Variants in SEMA5A observed in about 807,000 individuals in gnomAD.
The protein encoded by SEMA5A is semaphorin-5A.
Under a neutral mutation model 135.5 loss-of-function variants are expected in SEMA5A, and 55 were observed. The observed-to-expected ratio is 0.41, with a 90% CI of 0.33 to 0.51. The LOEUF (loss-of-function observed/expected upper bound fraction) is 0.51. SEMA5A is among the 20% of genes least tolerant of loss of function. The pLI is 0.37. For synonymous variants in SEMA5A, 580 were observed against 546.5 expected, an observed-to-expected ratio of 1.06 and a Z score of -0.85; for missense variants, 1,290 against 1,419.9, an observed-to-expected ratio of 0.91 and a Z score of 1.47.
chr5:9,482,021 A>G (rs192176306), intron 1 of SEMA5A, among the ~76,000 whole-genome samples: 1 of 152,334 alleles, frequency 6.6e-6, no homozygotes, highest in African/African-American at 2.4e-5. Context: ...AACAAAACAT[A>G]AAGAGTTTCA....
chr5:9,044,618 G>T (rs1395199965), intron 21 of SEMA5A, 34 bp from the exon 22 acceptor site: 1 of 1,561,264 alleles, frequency 6.4e-7, no homozygotes, highest in Middle Eastern at 1.8e-4. Context: ...TGCCACACTT[G>T]AAAAGAACAT....
chr5:9,360,336 C>A (rs1754637622), intron 3 of SEMA5A, among the ~76,000 whole-genome samples: 1 of 152,066 alleles, frequency 6.6e-6, no homozygotes, highest in African/African-American at 2.4e-5. Context: ...TTAAATATAT[C>A]ACAAAAGAGA....
chr5:9,370,516 A>G (rs752042462), intron 3 of SEMA5A, among the ~76,000 whole-genome samples: 16 of 152,190 alleles, frequency 1.1e-4, no homozygotes, highest in Admixed American at 1.3e-4. Flanking sequence ...CTTGCCCCTG[A>G]GTCATATGAA....
intron 2 of SEMA5A, among the ~76,000 whole-genome samples, chr5:9,382,515 T>C (rs1755660809): frequency 6.6e-6 from 1 of 152,212 alleles, no homozygotes; most frequent in Admixed American, 6.5e-5. Context: ...TTTCACTGTC[T>C]GTATTTTTTG....
At chr5:9,332,064 T>A (rs1753162543) in intron 4 of SEMA5A, among the ~76,000 whole-genome samples, 2 of 151,994 alleles carry the variant, frequency 1.3e-5, no homozygotes, top group Admixed American at 6.5e-5. Context: ...GTGCAAGGCG[T>A]GCAGTTATGG....
rs183426665 is a variant in SEMA5A at position 9,399,053 on chromosome 5, T to C, written c.-77-19030A>G. On this transcript the variant is annotated intron_variant, in intron 2 of 22. Transcript: ENST00000382496. ...GATAGTGCTAAGATAGTTACCTCTCTATAAAAAATGAATTTCAATAACCCA... is the reference window on the plus strand; with the variant it reads ...GATAGTGCTAAGATAGTTACCTCTCCATAAAAAATGAATTTCAATAACCCA... Among the ~76,000 whole-genome samples, 286 of 152,372 alleles carry C rather than the reference T, an allele frequency of 1.9e-3. 4 individuals carry two copies. Among genetic ancestry groups the C allele is most frequent in the Middle Eastern group, 0.01 (3 of 294 alleles).
chr5:9,045,707 A>G (rs1736214595), intron 21 of SEMA5A: 1 of 152,220 alleles, frequency 6.6e-6, no homozygotes, highest in African/African-American at 2.4e-5. Flanking sequence ...TGTTAAATGA[A>G]CAAAATATGA....
intron 3 of SEMA5A, among the ~76,000 whole-genome samples, chr5:9,363,935 C>T (rs1473004177): frequency 6.6e-6 from 1 of 152,098 alleles, no homozygotes; most frequent in Non-Finnish European, 1.5e-5. Context: ...AGTAGGCAGG[C>T]GATGAGGCAG....
chr5:9,437,029 C>T (rs1254781600), intron 2 of SEMA5A, among the ~76,000 whole-genome samples: 2 of 152,146 alleles, frequency 1.3e-5, no homozygotes, highest in Non-Finnish European at 2.9e-5. Flanking sequence ...CAGGAGGATC[C>T]CTGAGAGTAT....
At chr5:9,067,039 C>T (rs1737514498) in intron 16 of SEMA5A, among the ~76,000 whole-genome samples, 1 of 152,152 alleles carries the variant, frequency 6.6e-6, no homozygotes, top group East Asian at 1.9e-4. Flanking sequence ...TCACAATATT[C>T]AGTTTGAGAT....
At chr5:9,155,768 ATACTT>A (rs1742920699) in intron 11 of SEMA5A, among the ~76,000 whole-genome samples, 3 of 152,224 alleles carry the variant, frequency 2.0e-5, no homozygotes, top group Admixed American at 6.5e-5. Context: ...CTTGGATAAA[ATACTT>A]TACATTTTTC....
intron 8 of SEMA5A, among the ~76,000 whole-genome samples, chr5:9,222,823 G>A (rs981196598): frequency 4.1e-4 from 62 of 152,220 alleles, no homozygotes; most frequent in African/African-American, 1.4e-3. Context: ...CTGACCACCT[G>A]ATCAGCTGGT....
chr5:9,193,133 C>T (rs1196918029), intron 10 of SEMA5A, among the ~76,000 whole-genome samples: 1 of 152,050 alleles, frequency 6.6e-6, no homozygotes, highest in African/African-American at 2.4e-5. Context: ...TAATATTCCA[C>T]CCAGTGCTTC....
At chr5:9,349,694 G>A (rs183919351) in intron 3 of SEMA5A, among the ~76,000 whole-genome samples, 1 of 152,072 alleles carries the variant, frequency 6.6e-6, no homozygotes, top group East Asian at 1.9e-4. Flanking sequence ...GAGGTCAGGA[G>A]ATCAAGACCA....
intron 3 of SEMA5A, among the ~76,000 whole-genome samples, chr5:9,349,253 C>A (rs1197889612): frequency 6.6e-6 from 1 of 152,164 alleles, no homozygotes; most frequent in Admixed American, 6.5e-5. Flanking sequence ...TTTCCAGGAA[C>A]TTTAGGGTTA....
chr5:9,484,836 G>A (rs551914584), intron 1 of SEMA5A, among the ~76,000 whole-genome samples: 9 of 151,952 alleles, frequency 5.9e-5, no homozygotes, highest in East Asian at 1.9e-4. Flanking sequence ...CCAAAAGTTC[G>A]GGTCCTTCTC....
intron 3 of SEMA5A, among the ~76,000 whole-genome samples, chr5:9,351,466 A>C (rs1379640994): frequency 6.9e-6 from 1 of 143,960 alleles, no homozygotes. Context: ...TATAGCCCCC[A>C]CCGTTTTTTT....
intron 1 of SEMA5A, among the ~76,000 whole-genome samples, chr5:9,534,655 T>A (rs1186346710): frequency 2.0e-5 from 3 of 151,922 alleles, no homozygotes; most frequent in South Asian, 2.1e-4. Context: ...TCAAGGCGAG[T>A]CCATAAAGTG....
intron 13 of SEMA5A, among the ~76,000 whole-genome samples, chr5:9,132,851 A>G (rs975365572): frequency 2.6e-5 from 4 of 152,204 alleles, no homozygotes; most frequent in Non-Finnish European, 4.4e-5. Flanking sequence ...TGAGGTATAA[A>G]ATATTTGGTC....
Sources: allele counts gnomAD v4.1 joint callset (sites outside exome capture counted in the v4.1 genomes callset), GRCh38; gene constraint gnomAD v4.1.1; transcripts MANE v1.5; gene names NCBI Gene and HGNC (gene_info 2026-07-23, HGNC 2026-07-21).